Variants in SLC35F2 observed in about 807,000 individuals in gnomAD.
SLC35F2 encodes the protein queuine/queuosine transporter SLC35F2.
SLC35F2 carries 25 observed loss-of-function variants against 38.1 expected under a neutral mutation model. That is an observed-to-expected ratio of 0.66 (90% CI 0.48 to 0.92). The LOEUF (loss-of-function observed/expected upper bound fraction) is 0.92, where lower values mean the gene tolerates loss of function less well. Ranked by LOEUF, SLC35F2 falls within the 40% of genes least tolerant of loss-of-function variation. SLC35F2 has a pLI of 0.00. For missense variants in SLC35F2, 409 were observed against 452.9 expected (o/e 0.90, Z 0.88); for synonymous variants, 173 against 181.7 (o/e 0.95, Z 0.38).
At chr11:107,822,120 G>A (rs1859680934) in intron 1 of SLC35F2, among the ~76,000 whole-genome samples, 1 of 152,186 alleles carries the variant, frequency 6.6e-6, no homozygotes, top group Admixed American at 6.5e-5. Context: ...GCACATGCCT[G>A]TAATTCCAGC....
In SLC35F2 at chr11:107,791,189, A is replaced by T. The variant is rs1046057158; in HGVS notation, c.*1426T>A. The stretch of plus-strand genomic sequence containing the variant: ...CAGGGCATTACAGATTTTTGATAAG[A>T]AGTAGTAATAGCATTGTCTTTTAAC... On this transcript the variant is annotated 3_prime_UTR_variant, in exon 8 of 8. Transcript: ENST00000525815. The T allele has an allele frequency of 1.3e-5, 2 of 152,644 alleles. No individual in the cohort carries two copies. Among genetic ancestry groups the T allele is most frequent in the Non-Finnish European group, 2.9e-5 (2 of 68,038 alleles). The allele number at this position is 152,644 out of a possible 1,614,324, so 9.5% of individuals were successfully genotyped here. A position where few individuals can be genotyped will look rare whatever the true frequency, so the allele number is the denominator to read the frequency against.
chr11:107,856,672 G>T (rs1433687576), intron 1 of SLC35F2, among the ~76,000 whole-genome samples: 3 of 152,062 alleles, frequency 2.0e-5, no homozygotes, highest in African/African-American at 7.2e-5. Flanking sequence ...ACTCAGGCCT[G>T]GGTGACAGAA....
At chr11:107,800,218 C>A (rs773359548) in intron 7 of SLC35F2, among the ~76,000 whole-genome samples, 11 of 151,842 alleles carry the variant, frequency 7.2e-5, no homozygotes, top group Non-Finnish European at 5.9e-5. Flanking sequence ...TACTAGTAAG[C>A]TATAAATACT....
intron 1 of SLC35F2, among the ~76,000 whole-genome samples, chr11:107,857,680 T>C (rs985884785): frequency 6.6e-6 from 1 of 152,092 alleles, no homozygotes; most frequent in African/African-American, 2.4e-5. Flanking sequence ...TAAAGGGAAA[T>C]TCGCTTTGTT....
chr11:107,818,031 T>C (rs1859603622), intron 1 of SLC35F2, among the ~76,000 whole-genome samples: 1 of 127,446 alleles, frequency 7.8e-6, no homozygotes, highest in South Asian at 2.4e-4. Flanking sequence ...CACTCCAGCC[T>C]GAGTGACAGA....
intron 1 of SLC35F2, among the ~76,000 whole-genome samples, chr11:107,836,414 T>C (rs1305409351): frequency 1.3e-5 from 2 of 152,034 alleles, no homozygotes; most frequent in East Asian, 1.9e-4. Context: ...CCTCCAAAAG[T>C]GTCCACACTC....
chr11:107,797,740 C>G (rs1052555588), intron 7 of SLC35F2, among the ~76,000 whole-genome samples: 3 of 152,106 alleles, frequency 2.0e-5, no homozygotes, highest in African/African-American at 7.2e-5. Context: ...GTAATAGCCA[C>G]AGCCCTCCCC....
At chr11:107,823,926 C>CAAAAAAAAAAAAAAAA in intron 1 of SLC35F2, 1 of 648,096 alleles carries the variant, frequency 1.5e-6, no homozygotes, top group Non-Finnish European at 1.8e-6. Flanking sequence ...AAGACAGTCT[C>CAAAAAAAAAAAAAAAA]AAAAAAAAAA....
In SLC35F2 at chr11:107,806,773, AACAG is replaced by A. The variant is rs746264282; in HGVS notation, c.514_517del (p.Leu172TrpfsTer3). 13 of 1,614,002 alleles carry A rather than the reference AACAG, an allele frequency of 8.1e-6. No individual in the cohort carries two copies. The highest frequency in any genetic ancestry group is 4.4e-5 in the South Asian group (4 of 91,090). Reference sequence around the variant, plus strand: ...TGCACCAACCATGGTTCCTACACCCAACAGACAGACAGCCACGGCGATGAAGTGG... The same window carrying A: ...TGCACCAACCATGGTTCCTACACCCAACAGACAGCCACGGCGATGAAGTGG... On this transcript the variant is annotated frameshift_variant, in exon 4 of 8. Transcript: ENST00000525815. LOFTEE classifies it high-confidence loss of function.
At chr11:107,802,581 A>G (rs919628521) in intron 7 of SLC35F2, among the ~76,000 whole-genome samples, 1 of 152,236 alleles carries the variant, frequency 6.6e-6, no homozygotes, top group African/African-American at 2.4e-5. Context: ...TAAACTGGCC[A>G]TCTCTCTTTC....
Position 107,811,559 on chromosome 11 carries a change from G to C in SLC35F2, c.414+108C>G, listed in dbSNP as rs969868519. ...GAAAACAGCATCCACCTGTGTTTAG[G>C]TTTTCTTCAAGTGAATAGATTTTCA... is the stretch of plus-strand genomic sequence containing the variant. On this transcript the variant is annotated intron_variant, in intron 3 of 7. Transcript: ENST00000525815. The C allele has an allele frequency of 1.3e-5, 14 of 1,071,810 alleles. No individual in the cohort carries two copies. In the African/African-American group the frequency reaches 2.2e-4, roughly 17 times the overall value. The allele number at this position is 1,071,810 out of a possible 1,614,324, so 66.4% of individuals were successfully genotyped here. A position where few individuals can be genotyped will look rare whatever the true frequency, so the allele number is the denominator to read the frequency against.
Position 107,803,049 on chromosome 11 carries a change from T to C in SLC35F2, c.891A>G (p.Thr297=). The C allele has an allele frequency of 1.2e-6, 2 of 1,614,092 alleles. No individual in the cohort carries two copies. The highest frequency in any genetic ancestry group is 2.2e-5 in the East Asian group (1 of 44,862). ...CAACAAAAAGGCTGTAGAGGTCCGC[T>C]GTCAGGATGCCCAGGTTGACGGAAG... ...SATSVNLGIL[T]ADLYSLFVGL... Residue 297 remains threonine, a synonymous_variant, in exon 7 of 8, where the codon ACA becomes ACG. Transcript: ENST00000525815.
Position 107,806,711 on chromosome 11 carries a change from T to C in SLC35F2, c.574+6A>G. The C allele has an allele frequency of 1.2e-6, 2 of 1,613,838 alleles. No individual in the cohort carries two copies. The highest frequency in any genetic ancestry group is 1.7e-6 in the Non-Finnish European group (2 of 1,179,760). On this transcript the variant is annotated splice_donor_region_variant and intron_variant, in intron 4 of 7. Transcript: ENST00000525815. ...ATTGAAGCACAAACATGTGACACCG[T>C]CTCACCTGAATTGTCTTCCCTCCCT...
rs1565444859 is a variant in SLC35F2, at chr11:107,857,281, CGG to C, written c.110+1375_110+1376del. ...GATAACTGACTTGTGGAAGGAAGGA[CGG>C]AAGGAAGGAGAGAGGGAACGAAGGA... On this transcript the variant is annotated intron_variant, in intron 1 of 7. Transcript: ENST00000525815. Among the ~76,000 whole-genome samples the C allele has an allele frequency of 2.4e-4, 32 of 136,062 alleles. No individual in the cohort carries two copies. The East Asian group carries it at 4.9e-3, about 21-fold the overall frequency. The allele number at this position is 136,062 out of a possible 152,430, so 89.3% of individuals were successfully genotyped here. A position where few individuals can be genotyped will look rare whatever the true frequency, so the allele number is the denominator to read the frequency against.
At chr11:107,814,201 C>T (rs1334996060) in intron 2 of SLC35F2, among the ~76,000 whole-genome samples, 1 of 152,130 alleles carries the variant, frequency 6.6e-6, no homozygotes, top group East Asian at 1.9e-4. Context: ...TGAAGCTGGA[C>T]AGGCACCTAT....
At chr11:107,837,907 AC>A (rs1859956681) in intron 1 of SLC35F2, among the ~76,000 whole-genome samples, 1 of 112,578 alleles carries the variant, frequency 8.9e-6, no homozygotes, top group Non-Finnish European at 1.8e-5. Flanking sequence ...CCACCCACCC[AC>A]CCCCACCTTA....
chr11:107,807,271 C>CAAAAAAAAAAAAAAAAAAAAAAA (rs201964530), intron 3 of SLC35F2, among the ~76,000 whole-genome samples: 14 of 70,850 alleles, frequency 2.0e-4, no homozygotes, highest in Middle Eastern at 0.01. Flanking sequence ...CCTGTCTGTA[C>CAAAAAAAAAAAAAAAAAAAAAAA]AAAAAAAAAA....
intron 2 of SLC35F2, among the ~76,000 whole-genome samples, chr11:107,814,325 C>T (rs1373848727): frequency 6.6e-6 from 1 of 151,576 alleles, no homozygotes; most frequent in Non-Finnish European, 1.5e-5. Context: ...TGTGGTGGCA[C>T]GTGCCTGTAA....
chr11:107,792,566 G>A lies in SLC35F2; in HGVS notation c.*49C>T. The A allele has an allele frequency of 1.9e-6, 3 of 1,540,656 alleles. No individual in the cohort carries two copies. Among genetic ancestry groups the A allele is most frequent in the East Asian group, 4.6e-5 (2 of 43,040 alleles). On this transcript the variant is annotated 3_prime_UTR_variant, in exon 8 of 8. Transcript: ENST00000525815. ...TCCCCAAGTGTCCCCTCAGCAGGCA[G>A]CAGGCTCTGCTTTATCCTGGTGGGG...
Sources: gnomAD v4.1 joint callset for allele counts (sites outside exome capture counted in the v4.1 genomes callset) on GRCh38, gnomAD v4.1.1 for gene constraint, MANE v1.5 for transcripts, NCBI Gene and HGNC (gene_info 2026-07-23, HGNC 2026-07-21) for gene names.